The following KAZN variants were observed in gnomAD, a reference collection of about 807,000 sequenced individuals.
KAZN encodes the protein kazrin.
A neutral mutation model predicts 87.4 loss-of-function variants in KAZN; 40 were observed. The observed-to-expected ratio is 0.46, with a 90% CI of 0.36 to 0.60. KAZN has a LOEUF of 0.60. Ranked by LOEUF, KAZN falls within the 20% of genes least tolerant of loss-of-function variation. The pLI is 0.00. For synonymous variants in KAZN, 466 were observed against 458.3 expected (o/e 1.02, Z -0.22); for missense variants, 898 against 1,073.9 (o/e 0.84, Z 2.29).
chr1:14,907,909 G>A (rs1656794561), intron 1 of KAZN, among the ~76,000 whole-genome samples: 1 of 152,122 alleles, frequency 6.6e-6, no homozygotes, highest in East Asian at 1.9e-4. Context: ...AAAATCCCTG[G>A]CTCCCTGTTT....
In KAZN at chr1:14,858,203, C is replaced by CTTTTTTTTT. The variant is rs1388659468; in HGVS notation, c.227-102476_227-102475insTTTTTTTTT. ...ACATTTCTTTCTTTTTTTCTTTTTTCTTTTTCTTTTCTTTTTTTTTTTTTT... is the reference window on the plus strand; with the variant it reads ...ACATTTCTTTCTTTTTTTCTTTTTTCTTTTTTTTTTTTTTCTTTTCTTTTTTTTTTTTTT... On this transcript the variant is annotated intron_variant, in intron 1 of 14. Transcript: ENST00000376030. 9.8e-4 allele frequency among the ~76,000 whole-genome samples: 93 copies of CTTTTTTTTT among 95,018 alleles called. 3 individuals carry two copies. Among genetic ancestry groups the CTTTTTTTTT allele is most frequent in the African/African-American group, 4.2e-3 (80 of 18,868 alleles). The allele number at this position is 95,018 out of a possible 152,430, so 62.3% of individuals were successfully genotyped here.
At chr1:14,245,038 A>G (rs962442083) in intron 2 of KAZN, among the ~76,000 whole-genome samples, 5 of 151,608 alleles carry the variant, frequency 3.3e-5, no homozygotes, top group Admixed American at 6.6e-5. Context: ...TCGGCTCACT[A>G]CTGCCTCCAC....
chr1:14,315,126 T>C (rs1405243111), intron 2 of KAZN, among the ~76,000 whole-genome samples: 2 of 152,202 alleles, frequency 1.3e-5, no homozygotes, highest in Non-Finnish European at 2.9e-5. Flanking sequence ...AATGCTGTTA[T>C]AAACATTCAT....
chr1:13,966,627 C>A, intron 1 of KAZN, among the ~76,000 whole-genome samples: 1 of 152,126 alleles, frequency 6.6e-6, no homozygotes, highest in Non-Finnish European at 1.5e-5. Flanking sequence ...TGGTGTCTAC[C>A]ACAGTAGCCC....
intron 1 of KAZN, among the ~76,000 whole-genome samples, chr1:14,635,229 G>T (rs1016839613): frequency 1.3e-5 from 2 of 152,236 alleles, no homozygotes; most frequent in African/African-American, 2.4e-5. Flanking sequence ...ACGCTGCTGT[G>T]CCCTAGCACT....
At chr1:14,538,684 T>C (rs972590146) in intron 2 of KAZN, among the ~76,000 whole-genome samples, 1 of 152,218 alleles carries the variant, frequency 6.6e-6, no homozygotes, top group Non-Finnish European at 1.5e-5. Flanking sequence ...ATTGAAAACA[T>C]AGCAGAGGCC....
At chr1:14,807,109 A>G (rs1288073220) in intron 1 of KAZN, among the ~76,000 whole-genome samples, 1 of 152,128 alleles carries the variant, frequency 6.6e-6, no homozygotes, top group Non-Finnish European at 1.5e-5. Flanking sequence ...CCTATGCCCT[A>G]TGGGGCTTGA....
At chr1:14,311,499 G>T (rs1361126687) in intron 2 of KAZN, among the ~76,000 whole-genome samples, 1 of 152,158 alleles carries the variant, frequency 6.6e-6, no homozygotes, top group African/African-American at 2.4e-5. Context: ...TAGAGAAGAT[G>T]GATGTATTGG....
intron 4 of KAZN, among the ~76,000 whole-genome samples, chr1:15,053,872 C>A (rs74695358): frequency 3.3e-5 from 5 of 152,156 alleles, no homozygotes; most frequent in Non-Finnish European, 7.3e-5. Flanking sequence ...TTAGCCTCTG[C>A]GGTATGGATT....
In KAZN at chr1:15,109,937, G is replaced by GTGTGTGTGTT. The variant is rs1553191662; in HGVS notation, c.2049-2485_2049-2484insGTGTTTGTGT. Reference sequence around the variant, plus strand: ...TGTTTGTGTATGGGTGTGTGTGTGTGTGTGTTTGTGTATGTGTTTGTATAT... The same window carrying GTGTGTGTGTT: ...TGTTTGTGTATGGGTGTGTGTGTGTGTGTGTGTGTTTGTGTTTGTGTATGTGTTTGTATAT... On this transcript the variant is annotated intron_variant, in intron 13 of 14. Coordinates refer to ENST00000376030, the MANE Select transcript of KAZN (RefSeq NM_201628.3). Among the ~76,000 whole-genome samples, 1,458 of 140,550 alleles carry GTGTGTGTGTT rather than the reference G, an allele frequency of 0.01. 78 individuals carry two copies. In the East Asian group the frequency reaches 0.15, roughly 15 times the overall value. The allele number at this position is 140,550 out of a possible 152,430, so 92.2% of individuals were successfully genotyped here.
intron 4 of KAZN, among the ~76,000 whole-genome samples, chr1:15,052,466 G>A (rs1296890395): frequency 4.6e-5 from 7 of 152,138 alleles, no homozygotes; most frequent in African/African-American, 1.4e-4. Flanking sequence ...CCCATGACAC[G>A]TGGGGATTAT....
intron 2 of KAZN, among the ~76,000 whole-genome samples, chr1:14,473,754 AC>A (rs1668578020): frequency 1.3e-5 from 2 of 152,144 alleles, no homozygotes; most frequent in Non-Finnish European, 1.5e-5. Context: ...TCTATGCCGC[AC>A]CAGCCCTACT....
chr1:14,568,208 G>A (rs554510242), intron 2 of KAZN, among the ~76,000 whole-genome samples: 2 of 152,268 alleles, frequency 1.3e-5, no homozygotes, highest in South Asian at 2.1e-4. Context: ...ACAAAGCTAC[G>A]ATGTGAACTG....
rs1311797381 is a variant in KAZN, at chr1:14,022,515, GA to G, written c.91+128766del. 2.4e-3 allele frequency among the ~76,000 whole-genome samples: 208 copies of G among 87,790 alleles called. 1 individual carries two copies. The highest frequency in any genetic ancestry group is 0.017 in the South Asian group (45 of 2,664). 57.6% of individuals were successfully genotyped at this position (87,790 alleles called of 152,430 possible). ...AAAAAAAAAAAAAAAAAAAAAAAAA[GA>G]AAAAAAGAAAAAAGAAATAAAAATA... On this transcript the variant is annotated intron_variant, in intron 1 of 16. Coordinates refer to the KAZN transcript ENST00000636203.
In KAZN at chr1:14,856,775, C is replaced by G. The variant is rs944505696; in HGVS notation, c.227-103909C>G. ...TCCATTCTTCCAGGATAAAGATGAG[C>G]ATATGTTTGTTGCCGGGCTGTTGCA... On this transcript the variant is annotated intron_variant, in intron 1 of 14. Coordinates refer to ENST00000376030, the MANE Select transcript of KAZN (RefSeq NM_201628.3). This position sits in a 1 kb window ranked among gnomAD's most constrained non-coding sequence, Gnocchi z 5.2. Among the ~76,000 whole-genome samples the G allele has an allele frequency of 1.3e-5, 2 of 152,150 alleles. No homozygotes were observed. Among genetic ancestry groups the G allele is most frequent in the African/African-American group, 4.8e-5 (2 of 41,444 alleles).
rs536429935 is a variant in KAZN at position 14,803,939 on chromosome 1, G to A, written c.227-156745G>A. On this transcript the variant is annotated intron_variant, in intron 1 of 14. Transcript: ENST00000376030. Reference sequence around the variant, plus strand: ...AACATGGTGCATTTCATCAGAGCCCGCTCACACCCCAGCACCCAGAAAGAT... The same window carrying A: ...AACATGGTGCATTTCATCAGAGCCCACTCACACCCCAGCACCCAGAAAGAT... 1.9e-4 allele frequency among the ~76,000 whole-genome samples: 29 copies of A among 152,294 alleles called. 1 individual carries two copies. In the East Asian group the frequency reaches 5.2e-3, roughly 27 times the overall value.
rs1282435676 is a variant in KAZN at position 14,760,004 on chromosome 1, T to A, written c.226+160781T>A. 2.6e-5 allele frequency among the ~76,000 whole-genome samples: 4 copies of A among 151,998 alleles called. No individual in the cohort carries two copies. The East Asian group carries it at 7.7e-4, about 29-fold the overall frequency. On this transcript the variant is annotated intron_variant, in intron 1 of 14. Coordinates refer to ENST00000376030, the MANE Select transcript of KAZN (RefSeq NM_201628.3). ...TCAGGGCAGCCCCTCCTCCCGTGACTGACCCACCTGTGAGTTTGAAAGCAG... is the reference window on the plus strand; with the variant it reads ...TCAGGGCAGCCCCTCCTCCCGTGACAGACCCACCTGTGAGTTTGAAAGCAG...
At chr1:14,450,125 C>A (rs995011395) in intron 2 of KAZN, among the ~76,000 whole-genome samples, 4 of 151,958 alleles carry the variant, frequency 2.6e-5, no homozygotes, top group Admixed American at 2.0e-4. Context: ...GTGCTGCCCC[C>A]CCGCCTGCAG....
chr1:14,469,735 G>A (rs763634387), intron 2 of KAZN, among the ~76,000 whole-genome samples: 1 of 152,194 alleles, frequency 6.6e-6, no homozygotes, highest in African/African-American at 2.4e-5. Flanking sequence ...TTCTGGAAAA[G>A]AGGCCACGAT....
Sources: allele counts gnomAD v4.1 joint callset (sites outside exome capture counted in the v4.1 genomes callset), GRCh38; gene constraint gnomAD v4.1.1; non-coding constraint Gnocchi (gnomAD v3.1); transcripts MANE v1.5; gene names NCBI Gene and HGNC (gene_info 2026-07-23, HGNC 2026-07-21).